TBC1D32: variants seen among roughly 807,000 people sequenced by gnomAD.
TBC1D32 encodes the protein protein broad-minded.
TBC1D32 carries 151 observed loss-of-function variants against 170.3 expected under a neutral mutation model. That is an observed-to-expected ratio of 0.89 (90% CI 0.78 to 1.01). TBC1D32 has a LOEUF of 1.01. Ranked by LOEUF, TBC1D32 falls within the 50% of genes least tolerant of loss-of-function variation. The pLI, the probability that TBC1D32 is intolerant of heterozygous loss-of-function variation, is 0.00. For synonymous variants in TBC1D32, 498 were observed against 488.0 expected, an observed-to-expected ratio of 1.02 and a Z score of -0.27; for missense variants, 1,464 against 1,457.1, an observed-to-expected ratio of 1.00 and a Z score of -0.08.
chr6:121,087,997 C>A (rs575510241), intron 31 of TBC1D32, among the ~76,000 whole-genome samples: 79 of 149,392 alleles, frequency 5.3e-4, no homozygotes, highest in Middle Eastern at 3.5e-3. Flanking sequence ...GTAGCCCAGG[C>A]TGGAGTGCAC....
intron 22 of TBC1D32, among the ~76,000 whole-genome samples, chr6:121,180,536 A>G (rs936116828): frequency 1.6e-4 from 24 of 152,126 alleles, no homozygotes; most frequent in Non-Finnish European, 3.2e-4. Flanking sequence ...GGAAAACTGA[A>G]TATTCATATG....
At chr6:121,236,437 T>A (rs1051241810) in intron 20 of TBC1D32, among the ~76,000 whole-genome samples, 2 of 152,122 alleles carry the variant, frequency 1.3e-5, no homozygotes, top group African/African-American at 2.4e-5. Flanking sequence ...AATGGACATA[T>A]GTTTCTGAAG....
intron 15 of TBC1D32, among the ~76,000 whole-genome samples, chr6:121,273,331 T>C (rs1694766285): frequency 6.6e-6 from 1 of 151,724 alleles, no homozygotes; most frequent in Non-Finnish European, 1.5e-5. Flanking sequence ...TGAGGTCATG[T>C]CCTTTGTAGG....
At chr6:121,289,140 G>A (rs1474342392) in intron 12 of TBC1D32, among the ~76,000 whole-genome samples, 1 of 152,160 alleles carries the variant, frequency 6.6e-6, no homozygotes, top group Non-Finnish European at 1.5e-5. Context: ...CAATAGTGTT[G>A]GAAGTTCTGG....
At chr6:121,325,211 CAAA>C (rs1241989773) in intron 1 of TBC1D32, among the ~76,000 whole-genome samples, 31 of 67,932 alleles carry the variant, frequency 4.6e-4, no homozygotes, top group African/African-American at 1.3e-3. Context: ...GACTCCATCT[CAAA>C]AAAAAAAAAA....
intron 22 of TBC1D32, among the ~76,000 whole-genome samples, chr6:121,201,411 C>G (rs1006791258): frequency 1.3e-5 from 2 of 151,478 alleles, no homozygotes; most frequent in African/African-American, 4.9e-5. Context: ...CTTTTTAACA[C>G]AGGTGAGGAC....
Position 121,126,438 on chromosome 6 carries a change from AT to A in TBC1D32, c.2922del (p.Lys974AsnfsTer27). On this transcript the variant is annotated frameshift_variant, in exon 26 of 32. Transcript: ENST00000398212. LOFTEE classifies it high-confidence loss of function. The stretch of plus-strand genomic sequence containing the variant: ...GGGCTTTCAGTGAGATGAAGCACAA[AT>A]TTTTCAAGTAATTCTATTAAGGCTG... Reference protein sequence around the residue: ...SGEALIELLEKFVLHLTESPS... With the variant: ...SGEALIELLEXFVLHLTESPS... The A allele has an allele frequency of 6.2e-7, 1 of 1,612,616 alleles. No homozygotes were observed.
chr6:121,297,960 A>T (rs1246840580), intron 10 of TBC1D32, among the ~76,000 whole-genome samples: 4 of 152,068 alleles, frequency 2.6e-5, no homozygotes, highest in Non-Finnish European at 4.4e-5. Context: ...GGCTGCTATG[A>T]GTAAAGTTCT....
chr6:121,152,181 T>C (rs1282804170), intron 24 of TBC1D32, among the ~76,000 whole-genome samples: 1 of 152,226 alleles, frequency 6.6e-6, no homozygotes, highest in Non-Finnish European at 1.5e-5. Context: ...TCAGGAGCTC[T>C]TGTAAGGCAG....
At chr6:121,229,127 A>G (rs1374287402) in intron 20 of TBC1D32, among the ~76,000 whole-genome samples, 2 of 151,906 alleles carry the variant, frequency 1.3e-5, no homozygotes, top group African/African-American at 4.8e-5. Flanking sequence ...CTTCTTCTAG[A>G]ACTCTGCCAC....
intron 31 of TBC1D32, among the ~76,000 whole-genome samples, chr6:121,084,422 G>T (rs1775977237): frequency 1.3e-5 from 2 of 151,982 alleles, no homozygotes; most frequent in Admixed American, 6.6e-5. Context: ...ATTAATGATG[G>T]TCTTTGAAAT....
At chr6:121,247,094 A>G (rs1583383546) in intron 17 of TBC1D32, among the ~76,000 whole-genome samples, 1 of 152,114 alleles carries the variant, frequency 6.6e-6, no homozygotes, top group African/African-American at 2.4e-5. Flanking sequence ...TAACCTGTAA[A>G]AGAAAACCTA....
chr6:121,293,373 G>C (rs1805154822), intron 11 of TBC1D32, among the ~76,000 whole-genome samples: 2 of 151,984 alleles, frequency 1.3e-5, no homozygotes, highest in South Asian at 2.1e-4. Flanking sequence ...CAAAACACTA[G>C]CTTTTGAAAC....
In TBC1D32 at chr6:121,317,579, T is replaced by C. The variant is rs754691645; in HGVS notation, c.411A>G (p.Gln137=). ...CCTTTTGGATTTTTTTCTGCCTTTC[T>C]TGATTTCGTGTCTCATCTTCTTCAA... ...NKFEEDETRN[Q]ERQKKIQKEK... The change falls in exon 3 of 32, where the codon CAA becomes CAG. Residue 137 remains glutamine, a synonymous_variant. Coordinates refer to ENST00000398212, the MANE Select transcript of TBC1D32 (RefSeq NM_152730.6). 1.9e-6 allele frequency: 3 copies of C among 1,613,154 alleles called. No individual in the cohort carries two copies. The highest frequency in any genetic ancestry group is 2.2e-5 in the South Asian group (2 of 91,018).
chr6:121,135,839 T>C (rs1419811006), intron 24 of TBC1D32, among the ~76,000 whole-genome samples: 2 of 152,136 alleles, frequency 1.3e-5, no homozygotes, highest in Non-Finnish European at 2.9e-5. Context: ...AGGTCACACC[T>C]TGGTAACAGG....
chr6:121,280,221 C>T (rs988136677), intron 14 of TBC1D32, among the ~76,000 whole-genome samples: 17 of 151,836 alleles, frequency 1.1e-4, no homozygotes, highest in African/African-American at 4.1e-4. Context: ...TATATTCTCT[C>T]ATGTCTATAT....
chr6:121,093,737 A>G (rs1241705137), intron 30 of TBC1D32, among the ~76,000 whole-genome samples: 2 of 152,172 alleles, frequency 1.3e-5, no homozygotes, highest in Admixed American at 6.6e-5. Context: ...TGTTTCCTGT[A>G]CATTGTCTTT....
chr6:121,104,474 G>A (rs1253455332), intron 30 of TBC1D32, among the ~76,000 whole-genome samples: 2 of 151,356 alleles, frequency 1.3e-5, no homozygotes, highest in Admixed American at 6.6e-5. Flanking sequence ...AATAATTCAA[G>A]TCTAAAACAT....
At chr6:121,098,338 A>G (rs1309936203) in intron 30 of TBC1D32, among the ~76,000 whole-genome samples, 1 of 151,860 alleles carries the variant, frequency 6.6e-6, no homozygotes, top group Non-Finnish European at 1.5e-5. Context: ...ATTTTTAACA[A>G]CTCCTCTGGC....
Sources: allele counts gnomAD v4.1 joint callset (sites outside exome capture counted in the v4.1 genomes callset), GRCh38; gene constraint gnomAD v4.1.1; transcripts MANE v1.5; gene names NCBI Gene and HGNC (gene_info 2026-07-23, HGNC 2026-07-21).